Variants in ACBD6 observed in about 807,000 individuals in gnomAD.
The protein encoded by ACBD6 is acyl-CoA binding domain containing 6.
In ACBD6, 28 loss-of-function variants were observed where a neutral mutation model predicts 37.2. That is an observed-to-expected ratio of 0.75 (90% CI 0.56 to 1.03). The LOEUF (loss-of-function observed/expected upper bound fraction) is 1.03, where lower values mean the gene tolerates loss of function less well. Ranked by LOEUF, ACBD6 falls within the 50% of genes least tolerant of loss-of-function variation. ACBD6 has a pLI of 0.00. For missense variants in ACBD6, 340 were observed against 337.4 expected (o/e 1.01, Z -0.06); for synonymous variants, 113 against 126.8 (o/e 0.89, Z 0.73).
intron 6 of ACBD6, among the ~76,000 whole-genome samples, chr1:180,381,997 T>C (rs1653671419): frequency 6.6e-6 from 1 of 151,188 alleles, no homozygotes; most frequent in African/African-American, 2.4e-5. Context: ...TAATCCCAGC[T>C]ACCAGGGAGG....
intron 6 of ACBD6, among the ~76,000 whole-genome samples, chr1:180,368,381 T>A (rs1323659243): frequency 6.6e-6 from 1 of 152,234 alleles, no homozygotes; most frequent in East Asian, 1.9e-4. Context: ...CTTAAGTTAA[T>A]TAGATCCTAT....
chr1:180,315,277 C>A (rs1650753842), intron 6 of ACBD6, among the ~76,000 whole-genome samples: 1 of 152,096 alleles, frequency 6.6e-6, no homozygotes, highest in African/African-American at 2.4e-5. Flanking sequence ...CAAAAGTTGC[C>A]ATAGAATACT....
intron 7 of ACBD6, among the ~76,000 whole-genome samples, chr1:180,296,903 G>T (rs1417288827): frequency 3.9e-5 from 6 of 152,174 alleles, no homozygotes; most frequent in Non-Finnish European, 7.4e-5. Flanking sequence ...AAGGTGGGCA[G>T]ATCACAAGGT....
chr1:180,498,326 C>T lies in ACBD6; in HGVS notation c.223-2801G>A, dbSNP rs368935821. Among the ~76,000 whole-genome samples, 19 of 152,228 alleles carry T rather than the reference C, an allele frequency of 1.2e-4. No homozygotes were observed. In the East Asian group the frequency reaches 2.3e-3, roughly 19 times the overall value. On this transcript the variant is annotated intron_variant, in intron 1 of 7. Transcript: ENST00000367595. The stretch of plus-strand genomic sequence containing the variant: ...TTTCCTTGAAGTGACAGGCTTATTT[C>T]GTTCATTTTTAAGAAACTACCTGCC...
chr1:180,459,966 T>A (rs937157756), intron 3 of ACBD6, among the ~76,000 whole-genome samples: 2 of 114,858 alleles, frequency 1.7e-5, no homozygotes, highest in Non-Finnish European at 3.5e-5. Flanking sequence ...CCAGACTGCT[T>A]CTTTTTTTTT....
intron 6 of ACBD6, among the ~76,000 whole-genome samples, chr1:180,316,477 T>C (rs768679669): frequency 2.0e-5 from 3 of 152,174 alleles, no homozygotes; most frequent in Non-Finnish European, 4.4e-5. Context: ...TACTTAGGCA[T>C]CCATCATGCA....
chr1:180,499,068 T>A (rs193296716), intron 1 of ACBD6, among the ~76,000 whole-genome samples: 28 of 152,302 alleles, frequency 1.8e-4, no homozygotes, highest in African/African-American at 6.5e-4. Flanking sequence ...TATCTGAGAC[T>A]AATAAAGCTA....
chr1:180,327,159 C>T (rs893740495), intron 6 of ACBD6, among the ~76,000 whole-genome samples: 5 of 152,102 alleles, frequency 3.3e-5, no homozygotes, highest in Admixed American at 6.5e-5. Flanking sequence ...ATCTTTGGCC[C>T]GCAGTGGTGA....
chr1:180,488,539 A>G (rs961748338), intron 3 of ACBD6, among the ~76,000 whole-genome samples: 2 of 152,026 alleles, frequency 1.3e-5, no homozygotes, highest in African/African-American at 4.8e-5. Context: ...CTGGACTCAT[A>G]TAAATATAGG....
chr1:180,401,512 G>A (rs543682011), intron 5 of ACBD6, among the ~76,000 whole-genome samples: 49 of 151,992 alleles, frequency 3.2e-4, no homozygotes, highest in African/African-American at 9.6e-4. Flanking sequence ...GGCCAGGCGC[G>A]GTGGCTTACA....
At chr1:180,473,041 T>C (rs558193726) in intron 3 of ACBD6, among the ~76,000 whole-genome samples, 1 of 152,300 alleles carries the variant, frequency 6.6e-6, no homozygotes, top group South Asian at 2.1e-4. Context: ...CTCCATGGAC[T>C]ATAAAAATTT....
intron 10 of ACBD6, chr1:180,274,623 A>G: frequency 2.6e-6 from 4 of 1,512,852 alleles, no homozygotes; most frequent in South Asian, 1.3e-5. Flanking sequence ...GCTTGAGAGA[A>G]TATCTTCAAG....
At chr1:180,285,638 A>C (rs1649468076), downstream of ACBD6, among the ~76,000 whole-genome samples, 1 of 152,146 alleles carries the variant, frequency 6.6e-6, no homozygotes, top group Non-Finnish European at 1.5e-5. Context: ...CTGCAACCCA[A>C]GCTCAGCTGT....
intron 6 of ACBD6, among the ~76,000 whole-genome samples, chr1:180,378,875 G>C (rs1253810939): frequency 2.0e-5 from 3 of 152,152 alleles, no homozygotes; most frequent in Non-Finnish European, 2.9e-5. Context: ...TTGGGTCCCA[G>C]AGGGTTGTCC....
At chr1:180,272,006 G>A in intron 13 of ACBD6, 1 of 1,611,942 alleles carries the variant, frequency 6.2e-7, no homozygotes, top group Non-Finnish European at 8.5e-7. Flanking sequence ...GAGCTTCCGA[G>A]GTGAGCAGGG....
intron 4 of ACBD6, 76 bp downstream of exon 4, chr1:180,430,104 T>A: frequency 8.0e-7 from 1 of 1,245,636 alleles, no homozygotes; most frequent in Non-Finnish European, 1.2e-6. Flanking sequence ...TACACATACA[T>A]AAGCACATAC....
At chr1:180,337,661 A>T (rs1428040325) in intron 6 of ACBD6, among the ~76,000 whole-genome samples, 3 of 152,216 alleles carry the variant, frequency 2.0e-5, no homozygotes, top group Admixed American at 6.5e-5. Flanking sequence ...CAGGGCAATC[A>T]GGCAGGAAAA....
chr1:180,378,109 C>T (rs757469041), intron 6 of ACBD6, among the ~76,000 whole-genome samples: 5 of 151,978 alleles, frequency 3.3e-5, no homozygotes, highest in Admixed American at 1.3e-4. Context: ...ACTATCATAA[C>T]GAAGTGATCA....
At chr1:180,312,732 C>T (rs1417928060) in intron 7 of ACBD6, among the ~76,000 whole-genome samples, 1 of 152,106 alleles carries the variant, frequency 6.6e-6, no homozygotes, top group African/African-American at 2.4e-5. Flanking sequence ...AGTTTAAGAG[C>T]TTTTATCATA....
Sources: allele counts gnomAD v4.1 joint callset (sites outside exome capture counted in the v4.1 genomes callset), GRCh38; gene constraint gnomAD v4.1.1; transcripts MANE v1.5; gene names NCBI Gene and HGNC (gene_info 2026-07-23, HGNC 2026-07-21).